Variants in SPOP observed in about 807,000 individuals in gnomAD.
The protein encoded by SPOP is speckle type BTB/POZ protein.
Under a neutral mutation model 45.6 loss-of-function variants are expected in SPOP, and 11 were observed. That is an observed-to-expected ratio of 0.24 (90% CI 0.15 to 0.40). SPOP has a LOEUF of 0.40. Among genes scored for constraint, SPOP ranks in the 10% least tolerant of loss-of-function variants. The probability of loss-of-function intolerance (pLI) is 1.00; values close to 1 mark genes in which losing one functional copy is unlikely to be tolerated. For missense variants in SPOP, 152 were observed against 465.6 expected, an observed-to-expected ratio of 0.33 and a Z score of 6.20; for synonymous variants, 166 against 166.3, an observed-to-expected ratio of 1.00 and a Z score of 0.01.
chr17:49,653,460 T>G (rs762780408), intron 1 of SPOP, among the ~76,000 whole-genome samples: 11 of 152,096 alleles, frequency 7.2e-5, no homozygotes, highest in Non-Finnish European at 1.6e-4. Flanking sequence ...CACACTTTAT[T>G]CTTTCTAATG....
intron 1 of SPOP, among the ~76,000 whole-genome samples, chr17:49,628,530 C>CA (rs201088065): frequency 0.017 from 2,311 of 133,382 alleles, 46 homozygotes; most frequent in East Asian, 0.11. Flanking sequence ...GACAGAAGGA[C>CA]AAAAAAAAAA....
At chr17:49,609,460 C>T (rs1024587687) in intron 6 of SPOP, among the ~76,000 whole-genome samples, 5 of 151,908 alleles carry the variant, frequency 3.3e-5, no homozygotes, top group South Asian at 2.1e-4. Flanking sequence ...GCTGATGCAA[C>T]GGGAATAAAT....
Position 49,619,180 on chromosome 17 carries a change from T to G in SPOP, c.352+54A>C, listed in dbSNP as rs1463058955. 3.1e-6 allele frequency: 5 copies of G among 1,613,726 alleles called. No individual in the cohort carries two copies. The African/African-American group carries it at 6.7e-5, about 22-fold the overall frequency. ...AGATCAAAGCCACAACTTGTCAGTG[T>G]ATGAAACTTCTGGATGTGAAACTTA... On this transcript the variant is annotated intron_variant, in intron 4 of 9. Transcript: ENST00000504102. The surrounding 1 kb of genome is among the most constrained non-coding windows in gnomAD (Gnocchi z 4.9).
At chr17:49,636,668 T>TA (rs1438459942) in intron 1 of SPOP, 1 of 152,224 alleles carries the variant, frequency 6.6e-6, no homozygotes, top group Non-Finnish European at 1.5e-5. Flanking sequence ...GGTGTATTTT[T>TA]AAAAGTCATG....
intron 1 of SPOP, among the ~76,000 whole-genome samples, chr17:49,659,658 A>C (rs1293296032): frequency 2.0e-5 from 3 of 152,222 alleles, no homozygotes; most frequent in African/African-American, 7.2e-5. Flanking sequence ...GATACTTTCA[A>C]GACCATCAAC....
intron 1 of SPOP, among the ~76,000 whole-genome samples, chr17:49,642,243 T>C (rs573694879): frequency 4.6e-5 from 7 of 152,108 alleles, no homozygotes; most frequent in Admixed American, 4.6e-4. Context: ...AAAAAAAGGT[T>C]TTTAAAAGAA....
chr17:49,613,384 T>G (rs1388804009), intron 5 of SPOP, among the ~76,000 whole-genome samples: 3 of 152,282 alleles, frequency 2.0e-5, no homozygotes, highest in Middle Eastern at 3.5e-3. Flanking sequence ...CTTTTGGCAC[T>G]GGGTTCCTAG....
chr17:49,599,550 G>A lies in SPOP; in HGVS notation c.*828C>T. The A allele has an allele frequency of 4.6e-6, 1 of 216,632 alleles. No homozygotes were observed. The highest frequency in any genetic ancestry group is 9.2e-6 in the Non-Finnish European group (1 of 108,138). 13.4% of individuals were successfully genotyped at this position (216,632 alleles called of 1,614,324 possible). Reference sequence around the variant, plus strand: ...TTTTAGAAAAAGGGGTGGGGGAGAAGAAATAAAATCAGAGAAAAATGCCCA... The same window carrying A: ...TTTTAGAAAAAGGGGTGGGGGAGAAAAAATAAAATCAGAGAAAAATGCCCA... On this transcript the variant is annotated 3_prime_UTR_variant, in exon 10 of 10. Coordinates refer to ENST00000504102, the MANE Select transcript of SPOP (RefSeq NM_001007228.2).
chr17:49,678,160 C>T (rs895708523), upstream of SPOP: 7 of 393,554 alleles, frequency 1.8e-5, no homozygotes, highest in Admixed American at 8.9e-5. Flanking sequence ...GCGGCCTCCT[C>T]CCCATTACTC....
At chr17:49,677,049 T>A (rs1282761198) in intron 1 of SPOP, among the ~76,000 whole-genome samples, 1 of 152,192 alleles carries the variant, frequency 6.6e-6, no homozygotes, top group Non-Finnish European at 1.5e-5. Flanking sequence ...GGCAAATAGG[T>A]CACACAAAGT....
At chr17:49,667,458 A>C (rs1643608054) in intron 1 of SPOP, among the ~76,000 whole-genome samples, 1 of 151,464 alleles carries the variant, frequency 6.6e-6, no homozygotes. Context: ...GCGTGGTGGC[A>C]TGCGCCTGTC....
intron 1 of SPOP, among the ~76,000 whole-genome samples, chr17:49,674,390 A>G (rs2073174540): frequency 1.3e-5 from 2 of 152,168 alleles, no homozygotes; most frequent in Non-Finnish European, 2.9e-5. Context: ...GTTACTCACT[A>G]TTATTGATCT....
intron 1 of SPOP, among the ~76,000 whole-genome samples, chr17:49,658,217 C>T (rs2072940902): frequency 6.6e-6 from 1 of 152,082 alleles, no homozygotes; most frequent in African/African-American, 2.4e-5. Flanking sequence ...TATCTACATG[C>T]ACATACACAT....
intron 5 of SPOP, among the ~76,000 whole-genome samples, chr17:49,613,386 G>C (rs1436617475): frequency 6.6e-6 from 1 of 152,194 alleles, no homozygotes; most frequent in Non-Finnish European, 1.5e-5. Context: ...TTTGGCACTG[G>C]GTTCCTAGCT....
At chr17:49,669,763 C>CAAAAAAA (rs3034924) in intron 1 of SPOP, among the ~76,000 whole-genome samples, 1 of 103,270 alleles carries the variant, frequency 9.7e-6, no homozygotes, top group Admixed American at 1.2e-4. Flanking sequence ...GACTCTGCCT[C>CAAAAAAA]AAAAAAAAAA....
At chr17:49,602,804 A>G (rs181376434) in intron 8 of SPOP, among the ~76,000 whole-genome samples, 2 of 152,344 alleles carry the variant, frequency 1.3e-5, no homozygotes, top group African/African-American at 4.8e-5. Flanking sequence ...TTTTCTAAGA[A>G]AAGGGCATAA....
At chr17:49,649,465 G>T (rs1241389004) in intron 1 of SPOP, among the ~76,000 whole-genome samples, 1 of 151,636 alleles carries the variant, frequency 6.6e-6, no homozygotes, top group African/African-American at 2.4e-5. Flanking sequence ...TAAACCGGGA[G>T]GGGGAGGTTG....
rs1228930704 is a variant in SPOP at position 49,614,327 on chromosome 17, GTA to G, written c.481-2872_481-2871del. Among the ~76,000 whole-genome samples, 21 of 152,244 alleles carry G rather than the reference GTA, an allele frequency of 1.4e-4. No homozygotes were observed. In the East Asian group the frequency reaches 3.9e-3, roughly 28 times the overall value. On this transcript the variant is annotated intron_variant, in intron 5 of 9. Transcript: ENST00000504102. Reference sequence around the variant, plus strand: ...ATATACAGCACTAAATATGGATGAAGTATAGTTATATAAATTTTAGAAACATA... The same window carrying G: ...ATATACAGCACTAAATATGGATGAAGTAGTTATATAAATTTTAGAAACATA...
intron 1 of SPOP, among the ~76,000 whole-genome samples, chr17:49,668,775 C>CT (rs371542684): frequency 0.042 from 5,777 of 138,852 alleles, 422 homozygotes; most frequent in African/African-American, 0.14. Context: ...ATATACATAT[C>CT]TTTTTTTTTT....
Sources: allele counts gnomAD v4.1 joint callset (sites outside exome capture counted in the v4.1 genomes callset), GRCh38; gene constraint gnomAD v4.1.1; non-coding constraint Gnocchi (gnomAD v3.1); transcripts MANE v1.5; gene names NCBI Gene and HGNC (gene_info 2026-07-23, HGNC 2026-07-21).